The following MARCHF1 variants were observed in gnomAD, a reference collection of about 807,000 sequenced individuals.
MARCHF1 encodes the protein membrane associated ring-CH-type finger 1.
MARCHF1 carries 40 observed loss-of-function variants against 54.2 expected under a neutral mutation model. The observed-to-expected ratio is 0.74, with a 90% CI of 0.57 to 0.96. The LOEUF is 0.96. Ranked by LOEUF, MARCHF1 falls within the 40% of genes least tolerant of loss-of-function variation. The pLI is 0.00. For synonymous variants in MARCHF1, 236 were observed against 236.3 expected (o/e 1.00, Z 0.01); for missense variants, 586 against 656.5 (o/e 0.89, Z 1.17).
At chr4:163,741,587 A>C (rs899289892) in intron 4 of MARCHF1, among the ~76,000 whole-genome samples, 1 of 151,878 alleles carries the variant, frequency 6.6e-6, no homozygotes. Flanking sequence ...TGTCTCAAAA[A>C]AAAAAAAAAA....
chr4:163,886,304 CATAGATAGATAGATAGATAG>C (rs10560054), intron 3 of MARCHF1, among the ~76,000 whole-genome samples: 2,224 of 145,194 alleles, frequency 0.015, 29 homozygotes, highest in African/African-American at 0.031. Context: ...TCTTAATAGA[CATAGATAGATAGATAGATAG>C]ATAGATAGAT....
At chr4:163,676,035 CA>C (rs35632045) in intron 5 of MARCHF1, among the ~76,000 whole-genome samples, 86,619 of 151,628 alleles carry the variant, frequency 0.57, 24,822 homozygotes, top group African/African-American at 0.6. Flanking sequence ...TATTTCTACT[CA>C]ATCTATGTCA....
At position 163,834,012 on chromosome 4, in the gene MARCHF1, G is replaced by A. The variant is rs75936237; in HGVS notation, c.111+20009C>T. ...CCATTCTGACAAGCAAAAAGGCAAT[G>A]GATAAAAGCCATTTTATGTGTTGTC... On this transcript the variant is annotated intron_variant, in intron 4 of 9. Transcript: ENST00000514618. 6.1e-3 allele frequency among the ~76,000 whole-genome samples: 927 copies of A among 152,202 alleles called. 5 individuals are homozygous for A. The highest frequency in any genetic ancestry group is 0.015 in the South Asian group (70 of 4,818).
At chr4:164,151,479 A>C (rs2110908950) in intron 1 of MARCHF1, among the ~76,000 whole-genome samples, 1 of 152,298 alleles carries the variant, frequency 6.6e-6, no homozygotes, top group African/African-American at 2.4e-5. Flanking sequence ...TACAAACAAT[A>C]GTCCTTTGCC....
chr4:164,113,618 C>T (rs1327833899), intron 1 of MARCHF1, among the ~76,000 whole-genome samples: 1 of 151,866 alleles, frequency 6.6e-6, no homozygotes, highest in Non-Finnish European at 1.5e-5. Context: ...GTATGAATGA[C>T]TTAGGTGAAT....
At position 164,285,139 on chromosome 4, in the gene MARCHF1, T is replaced by C. The variant is rs189018309; in HGVS notation, c.-323+98731A>G. Among the ~76,000 whole-genome samples the C allele has an allele frequency of 1.9e-3, 283 of 152,292 alleles. 3 individuals carry two copies. Among genetic ancestry groups the C allele is most frequent in the Non-Finnish European group, 1.0e-3 (70 of 68,018 alleles). ...TATCTATTATTATAAATTTTAAAAA[T>C]TGTGATCACTTTAGAACAATCATAA... On this transcript the variant is annotated intron_variant, in intron 1 of 9. Coordinates refer to ENST00000514618, the MANE Select transcript of MARCHF1 (RefSeq NM_001394959.1).
At chr4:163,823,098 C>T (rs923747755) in intron 4 of MARCHF1, among the ~76,000 whole-genome samples, 16 of 151,776 alleles carry the variant, frequency 1.1e-4, no homozygotes, top group African/African-American at 3.9e-4. Flanking sequence ...TTTGGCCTAA[C>T]AAAATTGGGA....
intron 4 of MARCHF1, among the ~76,000 whole-genome samples, chr4:163,777,900 C>T (rs1175856586): frequency 6.6e-6 from 1 of 152,148 alleles, no homozygotes; most frequent in Non-Finnish European, 1.5e-5. Context: ...CCAAAAAGTT[C>T]CCTGGGGTTT....
chr4:163,933,992 T>C (rs1751737149), intron 3 of MARCHF1, among the ~76,000 whole-genome samples: 1 of 152,222 alleles, frequency 6.6e-6, no homozygotes, highest in Non-Finnish European at 1.5e-5. Flanking sequence ...AATACAAGCA[T>C]TGCTTTTGGG....
rs535848041 is a variant in MARCHF1, at chr4:163,821,687, C to A, written c.111+32334G>T. Among the ~76,000 whole-genome samples, 63 of 151,804 alleles carry A rather than the reference C, an allele frequency of 4.2e-4. 1 individual carries two copies. The highest frequency in any genetic ancestry group is 1.2e-3 in the African/African-American group (50 of 41,450). On this transcript the variant is annotated intron_variant, in intron 4 of 9. Transcript: ENST00000514618. ...TTTCATTTAGAAATGATTAATTCCA[C>A]AAATTAATGAAAAGCTGTGTTTTGT...
chr4:163,844,734 T>A (rs1320003745), intron 4 of MARCHF1, among the ~76,000 whole-genome samples: 1 of 152,196 alleles, frequency 6.6e-6, no homozygotes, highest in African/African-American at 2.4e-5. Flanking sequence ...TGTTCCATGA[T>A]AACAGACAGC....
intron 2 of MARCHF1, among the ~76,000 whole-genome samples, chr4:163,993,008 G>A (rs1322747499): frequency 6.6e-6 from 1 of 151,824 alleles, no homozygotes; most frequent in Non-Finnish European, 1.5e-5. Flanking sequence ...AAAGATTACT[G>A]GGAAGAACAT....
intron 1 of MARCHF1, among the ~76,000 whole-genome samples, chr4:164,264,420 G>C (rs370460352): frequency 3.3e-5 from 5 of 151,604 alleles, no homozygotes; most frequent in East Asian, 1.9e-4. Flanking sequence ...ATAATCTGTA[G>C]AGTAACCCCC....
intron 1 of MARCHF1, among the ~76,000 whole-genome samples, chr4:164,212,417 C>T (rs1451986480): frequency 6.6e-6 from 1 of 151,896 alleles, no homozygotes; most frequent in Non-Finnish European, 1.5e-5. Flanking sequence ...AGCTTAGGCT[C>T]TGAATTATTT....
intron 2 of MARCHF1, among the ~76,000 whole-genome samples, chr4:164,034,396 T>C (rs1210119399): frequency 1.3e-5 from 2 of 152,088 alleles, no homozygotes; most frequent in Non-Finnish European, 2.9e-5. Flanking sequence ...GTACAATCTG[T>C]ATGGAAAACA....
chr4:164,039,959 T>A (rs573640501), intron 2 of MARCHF1, among the ~76,000 whole-genome samples: 1 of 147,390 alleles, frequency 6.8e-6, no homozygotes, highest in East Asian at 2.0e-4. Flanking sequence ...AAATTTCACC[T>A]CATGAAATTA....
chr4:164,100,299 C>T (rs1392307331), intron 2 of MARCHF1, among the ~76,000 whole-genome samples: 2 of 152,224 alleles, frequency 1.3e-5, no homozygotes, highest in African/African-American at 2.4e-5. Flanking sequence ...AATCTAAACT[C>T]ATTAAGAGAG....
At chr4:164,047,735 G>A (rs1329019296) in intron 2 of MARCHF1, among the ~76,000 whole-genome samples, 1 of 152,184 alleles carries the variant, frequency 6.6e-6, no homozygotes, top group African/African-American at 2.4e-5. Context: ...ATCCTTCAAG[G>A]TTCAGCCTAA....
chr4:163,810,659 G>A (rs908688283), intron 4 of MARCHF1, among the ~76,000 whole-genome samples: 5 of 152,104 alleles, frequency 3.3e-5, no homozygotes, highest in African/African-American at 9.7e-5. Context: ...CATTGAGAGT[G>A]CTGTTTAAAT....
Sources: allele counts gnomAD v4.1 joint callset (sites outside exome capture counted in the v4.1 genomes callset), GRCh38; gene constraint gnomAD v4.1.1; transcripts MANE v1.5; gene names NCBI Gene and HGNC (gene_info 2026-07-23, HGNC 2026-07-21).